Variants in SIN3A observed in about 807,000 individuals in gnomAD.
The protein encoded by SIN3A is SIN3 transcription regulator family member A, also known as paired amphipathic helix protein Sin3a.
SIN3A carries 14 observed loss-of-function variants against 146.1 expected under a neutral mutation model. That is an observed-to-expected ratio of 0.10 (90% confidence interval 0.06 to 0.15). SIN3A has a LOEUF of 0.15. Ranked by LOEUF, SIN3A falls within the 10% of genes least tolerant of loss-of-function variation. SIN3A has a pLI of 1.00. For missense variants in SIN3A, 1,028 were observed against 1,576.0 expected (o/e 0.65, Z 5.89); for synonymous variants, 572 against 572.0 (o/e 1.00, Z 0.00).
Position 75,433,730 on chromosome 15 carries a change from G to A in SIN3A, c.-33-3322C>T, listed in dbSNP as rs547227143. ...GAGGCTGAGGCAGGAGAATGGCGTG[G>A]ACCGGGAGGCAGAGCTTGCAGTGAG... On this transcript the variant is annotated intron_variant, in intron 1 of 20. Transcript: ENST00000394947. Among the ~76,000 whole-genome samples the A allele has an allele frequency of 2.6e-5, 4 of 152,042 alleles. No individual in the cohort carries two copies. In the South Asian group the frequency reaches 8.3e-4, roughly 32 times the overall value.
chr15:75,392,186 G>T lies in SIN3A; in HGVS notation c.2851+56C>A, dbSNP rs77722041. Reference sequence around the variant, plus strand: ...AAAGAAGCAGTCCCAAGTCTAGGTGGCTCTAAGGTCCTCAACCTCACACAT... The same window carrying T: ...AAAGAAGCAGTCCCAAGTCTAGGTGTCTCTAAGGTCCTCAACCTCACACAT... On this transcript the variant is annotated intron_variant, in intron 15 of 20. Coordinates refer to ENST00000394947, the MANE Select transcript of SIN3A (RefSeq NM_001145358.2). The T allele has an allele frequency of 5.8e-5, 87 of 1,490,162 alleles. 3 individuals carry two copies. In the South Asian group the frequency reaches 1.0e-3, roughly 17 times the overall value. 92.3% of individuals were successfully genotyped at this position (1,490,162 alleles called of 1,614,324 possible). A position where few individuals can be genotyped will look rare whatever the true frequency, so the allele number is the denominator to read the frequency against.
At chr15:75,415,919 GA>G in intron 3 of SIN3A, 1 of 306,156 alleles carries the variant, frequency 3.3e-6, no homozygotes, top group Non-Finnish European at 6.3e-6. Context: ...AGGGAAAAAG[GA>G]AAATGCTGAC....
Position 75,422,782 on chromosome 15 carries a change from A to G in SIN3A, c.231T>C (p.Ala77=), listed in dbSNP as rs2141541189. Residue 77 remains alanine (A), a synonymous_variant, in exon 3 of 21, where the codon GCT becomes GCC. Transcript: ENST00000394947. ...GATGGCTGCTATGAACTGCTGCTAT[A>G]GCGGGCCCATGACTGCCGGAGCTCT... ...MPQSSGSHGP[A]IAAVHSSHHH... 6.2e-7 allele frequency: 1 copy of G among 1,614,192 alleles called. No homozygotes were observed. The highest frequency in any genetic ancestry group is 8.5e-7 in the Non-Finnish European group (1 of 1,180,020).
chr15:75,440,340 T>C (rs1339482580), intron 1 of SIN3A, among the ~76,000 whole-genome samples: 1 of 151,458 alleles, frequency 6.6e-6, no homozygotes. Flanking sequence ...AAGCAATTCC[T>C]GTGCCTCAGC....
At chr15:75,374,946 T>A (rs929737028) in intron 20 of SIN3A, among the ~76,000 whole-genome samples, 1 of 152,162 alleles carries the variant, frequency 6.6e-6, no homozygotes, top group African/African-American at 2.4e-5. Flanking sequence ...GGGCCTGGCA[T>A]AACACCCTAT....
At chr15:75,426,029 T>G (rs1227057749) in intron 2 of SIN3A, among the ~76,000 whole-genome samples, 2 of 152,224 alleles carry the variant, frequency 1.3e-5, no homozygotes, top group Non-Finnish European at 2.9e-5. Context: ...GGGCTAGTAT[T>G]CTGAGCTTCT....
chr15:75,418,110 C>T (rs564496200), intron 3 of SIN3A, among the ~76,000 whole-genome samples: 49 of 152,200 alleles, frequency 3.2e-4, no homozygotes, highest in African/African-American at 1.1e-3. Flanking sequence ...CAGCTCAATA[C>T]AACCTCCGCC....
chr15:75,417,895 G>A (rs943079425), intron 3 of SIN3A, among the ~76,000 whole-genome samples: 1 of 152,124 alleles, frequency 6.6e-6, no homozygotes, highest in African/African-American at 2.4e-5. Flanking sequence ...GTGAACCAGT[G>A]TTAGTCCCTT....
chr15:75,419,007 T>C (rs2073794888), intron 3 of SIN3A, among the ~76,000 whole-genome samples: 2 of 152,168 alleles, frequency 1.3e-5, no homozygotes, highest in South Asian at 4.2e-4. Context: ...TCTGCCCGCC[T>C]CGGCCTCTTA....
Position 75,400,808 on chromosome 15 carries a change from T to C in SIN3A, c.1659A>G (p.Arg553=). The C allele has an allele frequency of 1.2e-6, 2 of 1,614,124 alleles. No homozygotes were observed. Among genetic ancestry groups the C allele is most frequent in the Non-Finnish European group, 1.7e-6 (2 of 1,180,038 alleles). ...GTAAGGCTCGATAGCTGGAGCCCAA[T>C]CGTTTACAAGAAGCATAATCTATCT... ...AMEIDYASCK[R]LGSSYRALPK... The change falls in exon 11 of 21, where the codon CGA becomes CGG. Residue 553 remains arginine (R), a synonymous_variant. Transcript: ENST00000394947.
At chr15:75,436,603 T>C (rs1474601024) in intron 1 of SIN3A, among the ~76,000 whole-genome samples, 1 of 152,198 alleles carries the variant, frequency 6.6e-6, no homozygotes, top group African/African-American at 2.4e-5. Flanking sequence ...GACAGGCATA[T>C]GTTAAACCTA....
At chr15:75,455,118 C>T (rs951569472), upstream of SIN3A, 1 of 151,442 alleles carries the variant, frequency 6.6e-6, no homozygotes, top group Non-Finnish European at 1.5e-5. Flanking sequence ...CCCACAGTGC[C>T]CGCGCCTCTC....
At chr15:75,381,899 T>C (rs1351424919) in intron 17 of SIN3A, among the ~76,000 whole-genome samples, 194 bp from the exon 18 acceptor site, 4 of 152,150 alleles carry the variant, frequency 2.6e-5, no homozygotes, top group African/African-American at 4.8e-5. Flanking sequence ...AAATGAAATA[T>C]ATTAAAGCAA....
chr15:75,454,380 C>T (rs993858125), upstream of SIN3A, among the ~76,000 whole-genome samples: 1 of 152,036 alleles, frequency 6.6e-6, no homozygotes, highest in Non-Finnish European at 1.5e-5. Context: ...TTGCACAAGC[C>T]GCCGGCGGAG....
chr15:75,437,322 C>A (rs1004809799), intron 1 of SIN3A, among the ~76,000 whole-genome samples: 1 of 152,068 alleles, frequency 6.6e-6, no homozygotes, highest in Non-Finnish European at 1.5e-5. Context: ...TAGGCAGCGC[C>A]ACCATATCTA....
intron 1 of SIN3A, among the ~76,000 whole-genome samples, chr15:75,437,177 CT>C (rs5813801): frequency 2.7e-3 from 384 of 144,788 alleles, no homozygotes; most frequent in Middle Eastern, 3.6e-3. Flanking sequence ...TCCCAGAACC[CT>C]TTTTTTTTTT....
intron 1 of SIN3A, among the ~76,000 whole-genome samples, chr15:75,440,547 A>G (rs2141608465): frequency 6.6e-6 from 1 of 152,272 alleles, no homozygotes. Context: ...TAGCAAATCT[A>G]AATTTTTATT....
intron 9 of SIN3A, among the ~76,000 whole-genome samples, chr15:75,402,726 C>T (rs1279651722): frequency 2.0e-5 from 3 of 152,104 alleles, no homozygotes; most frequent in Non-Finnish European, 4.4e-5. Flanking sequence ...CCTCTGCCTC[C>T]TGGGTTCAAG....
At chr15:75,404,652 C>A (rs980660387) in intron 9 of SIN3A, among the ~76,000 whole-genome samples, 1 of 151,532 alleles carries the variant, frequency 6.6e-6, no homozygotes, top group African/African-American at 2.4e-5. Flanking sequence ...CCCAGCTACT[C>A]GGGAGGCTGA....
Sources: gnomAD v4.1 joint callset for allele counts (sites outside exome capture counted in the v4.1 genomes callset) on GRCh38, gnomAD v4.1.1 for gene constraint, MANE v1.5 for transcripts, NCBI Gene and HGNC (gene_info 2026-07-23, HGNC 2026-07-21) for gene names.